Variants in FAT3 observed in about 807,000 individuals in gnomAD.
FAT3 encodes the protein FAT atypical cadherin 3.
A neutral mutation model predicts 310.2 loss-of-function variants in FAT3; 95 were observed. That is an observed-to-expected ratio of 0.31 (90% CI 0.26 to 0.36). The LOEUF (loss-of-function observed/expected upper bound fraction) is 0.36. FAT3 is among the 10% of genes least tolerant of loss of function. FAT3 has a pLI of 1.00. For missense variants in FAT3, 5,408 were observed against 5,715.6 expected (o/e 0.95, Z 1.74); for synonymous variants, 2,314 against 2,192.9 (o/e 1.06, Z -1.54).
intron 4 of FAT3, among the ~76,000 whole-genome samples, chr11:92,710,933 G>C (rs1001815365): frequency 2.6e-5 from 4 of 152,118 alleles, no homozygotes; most frequent in African/African-American, 9.7e-5. Flanking sequence ...AAATTACATA[G>C]TGCCTATGGT....
chr11:92,620,353 T>C (rs1340322418), intron 3 of FAT3, among the ~76,000 whole-genome samples: 2 of 152,194 alleles, frequency 1.3e-5, no homozygotes, highest in East Asian at 3.8e-4. Flanking sequence ...GTTATGTATT[T>C]TTGTCTTTGG....
chr11:92,375,043 G>A (rs745627440), intron 2 of FAT3, among the ~76,000 whole-genome samples: 7 of 151,100 alleles, frequency 4.6e-5, no homozygotes, highest in African/African-American at 9.7e-5. Context: ...TAAAACATGC[G>A]CACACACACA....
chr11:92,847,432 A>G (rs1359038218), intron 19 of FAT3, among the ~76,000 whole-genome samples: 2 of 152,222 alleles, frequency 1.3e-5, no homozygotes, highest in Non-Finnish European at 2.9e-5. Flanking sequence ...TGTTTGCACA[A>G]TGACGAAATA....
At chr11:92,390,611 T>G (rs1949727017) in intron 2 of FAT3, among the ~76,000 whole-genome samples, 1 of 152,046 alleles carries the variant, frequency 6.6e-6, no homozygotes, top group African/African-American at 2.4e-5. Flanking sequence ...AACCACTAAG[T>G]TTGGGCATTC....
intron 3 of FAT3, among the ~76,000 whole-genome samples, chr11:92,606,105 T>C (rs1940282812): frequency 1.3e-5 from 2 of 152,168 alleles, no homozygotes; most frequent in African/African-American, 4.8e-5. Context: ...TGAGCCCTAG[T>C]CTTTGACTCC....
intron 3 of FAT3, among the ~76,000 whole-genome samples, chr11:92,644,083 G>A (rs1462816708): frequency 6.6e-6 from 1 of 152,198 alleles, no homozygotes; most frequent in Non-Finnish European, 1.5e-5. Flanking sequence ...CTGCCTGCGA[G>A]GGCAGCCCAG....
At chr11:92,309,892 T>G (rs1485183246) in intron 1 of FAT3, among the ~76,000 whole-genome samples, 1 of 152,140 alleles carries the variant, frequency 6.6e-6, no homozygotes, top group Admixed American at 6.5e-5. Flanking sequence ...GGCTTCCAAC[T>G]AATTGGCTCT....
chr11:92,391,918 C>G (rs1451705200), intron 2 of FAT3, among the ~76,000 whole-genome samples: 1 of 152,172 alleles, frequency 6.6e-6, no homozygotes, highest in African/African-American at 2.4e-5. Context: ...TCCTTGTGCT[C>G]TTTTCATAGA....
chr11:92,486,900 T>A (rs1337886563), intron 2 of FAT3, among the ~76,000 whole-genome samples: 5 of 152,156 alleles, frequency 3.3e-5, no homozygotes, highest in African/African-American at 1.2e-4. Flanking sequence ...TGGTTCCTAC[T>A]AGCAATCATT....
chr11:92,495,291 C>T (rs896176988), intron 2 of FAT3, among the ~76,000 whole-genome samples: 4 of 152,014 alleles, frequency 2.6e-5, no homozygotes, highest in South Asian at 2.1e-4. Flanking sequence ...TATCCAAGGT[C>T]ACACAGTTAA....
In FAT3 at chr11:92,721,461, G is replaced by A. The variant is rs151302888; in HGVS notation, c.3669+24016G>A. Among the ~76,000 whole-genome samples the A allele has an allele frequency of 4.5e-3, 690 of 152,200 alleles. 4 individuals are homozygous for A. Among genetic ancestry groups the A allele is most frequent in the African/African-American group, 0.016 (660 of 41,524 alleles). ...TAATTTTTTTAAACAGCTCTGTCCT[G>A]GTGAAGGAATGAAATAATGGATTAA... On this transcript the variant is annotated intron_variant, in intron 4 of 27. Transcript: ENST00000525166.
At position 92,800,778 on chromosome 11, in the gene FAT3, A is replaced by G; in HGVS notation, c.7765A>G (p.Ile2589Val). ...AACAACTTTCTGCACTGTGAGAGTG[A>G]TTGTTGTGGATGAAAATGACAATGC... Reference protein sequence around the residue: ...GRTTFCTVRVIVVDENDNAPQ... With the variant: ...GRTTFCTVRVVVVDENDNAPQ... Residue 2589 changes from isoleucine (I) to valine (V), a missense_variant, in exon 10 of 28, where the codon ATT becomes GTT. Around this residue, in one of 5 missense-constraint regions of FAT3, gnomAD observed 4,588 missense variants for 4,809.8 expected, o/e 0.95. Coordinates refer to ENST00000525166, the MANE Select transcript of FAT3 (RefSeq NM_001367949.2). The G allele has an allele frequency of 6.2e-7, 1 of 1,613,850 alleles. No individual in the cohort carries two copies. Among genetic ancestry groups the G allele is most frequent in the Non-Finnish European group, 8.5e-7 (1 of 1,179,856 alleles).
At chr11:92,275,321 T>C (rs1269804292) in intron 1 of FAT3, among the ~76,000 whole-genome samples, 1 of 152,086 alleles carries the variant, frequency 6.6e-6, no homozygotes, top group East Asian at 1.9e-4. Flanking sequence ...GCCACTTACA[T>C]TTAACACCTT....
intron 13 of FAT3, among the ~76,000 whole-genome samples, chr11:92,813,968 T>C (rs886096791): frequency 1.4e-4 from 21 of 152,328 alleles, no homozygotes; most frequent in African/African-American, 4.8e-4. Context: ...GATTAGGTCC[T>C]GAGGGCTCTT....
intron 3 of FAT3, among the ~76,000 whole-genome samples, chr11:92,681,886 C>T (rs79593810): frequency 3.9e-5 from 6 of 152,182 alleles, no homozygotes; most frequent in Non-Finnish European, 8.8e-5. Flanking sequence ...CAATGCAAAG[C>T]AAGCTTAGCT....
At chr11:92,794,343 T>C (rs1303469203) in intron 9 of FAT3, among the ~76,000 whole-genome samples, 1 of 152,192 alleles carries the variant, frequency 6.6e-6, no homozygotes, top group Non-Finnish European at 1.5e-5. Context: ...TCCAATGTTG[T>C]GTTTTTTTCT....
intron 13 of FAT3, among the ~76,000 whole-genome samples, chr11:92,828,930 C>T (rs1948167597): frequency 1.3e-5 from 2 of 152,188 alleles, no homozygotes; most frequent in Admixed American, 1.3e-4. Context: ...GAAGGAAACA[C>T]AGGCATCCAT....
Position 92,844,269 on chromosome 11 carries a change from C to A in FAT3, c.10902C>A (p.Val3634=). The change falls in exon 19 of 28, where the codon GTC becomes GTA. Residue 3634 remains valine, a synonymous_variant. Coordinates refer to ENST00000525166, the MANE Select transcript of FAT3 (RefSeq NM_001367949.2). The part of the protein sequence containing the change: ...DGRFQVPIDV[V]VHVEQLVHEM... The stretch of plus-strand genomic sequence containing the variant: ...GCTTCCAGGTACCCATTGATGTGGT[C>A]GTGCATGTGGAGCAGTTGGTGCATG... 1 of 1,613,932 alleles carries A rather than the reference C, an allele frequency of 6.2e-7. No homozygotes were observed. The highest frequency in any genetic ancestry group is 1.1e-5 in the South Asian group (1 of 91,040).
intron 25 of FAT3, among the ~76,000 whole-genome samples, chr11:92,887,892 C>G (rs1227995780): frequency 6.6e-6 from 1 of 152,154 alleles, no homozygotes; most frequent in East Asian, 1.9e-4. Flanking sequence ...TAATTTCAAA[C>G]AGTCATCCAC....
Sources: gnomAD v4.1 joint callset for allele counts (sites outside exome capture counted in the v4.1 genomes callset) on GRCh38, gnomAD v4.1.1 for gene constraint, gnomAD v4.1.1 regional missense constraint, MANE v1.5 for transcripts, NCBI Gene and HGNC (gene_info 2026-07-23, HGNC 2026-07-21) for gene names.